The following GRM1 variants were observed in gnomAD, a reference collection of about 807,000 sequenced individuals.
GRM1 encodes glutamate metabotropic receptor 1, also known as metabotropic glutamate receptor 1.
In GRM1, 33 loss-of-function variants were observed where a neutral mutation model predicts 90.9. The observed-to-expected ratio is 0.36, with a 90% CI of 0.28 to 0.49. The LOEUF (loss-of-function observed/expected upper bound fraction) is 0.49. Among genes scored for constraint, GRM1 ranks in the 20% least tolerant of loss-of-function variants. The pLI, the probability that GRM1 is intolerant of heterozygous loss-of-function variation, is 0.99. For synonymous variants in GRM1, 700 were observed against 613.2 expected, an observed-to-expected ratio of 1.14 and a Z score of -2.09; for missense variants, 1,190 against 1,534.3, an observed-to-expected ratio of 0.78 and a Z score of 3.75.
At chr6:146,265,128 A>T (rs1413248572) in intron 2 of GRM1, among the ~76,000 whole-genome samples, 1 of 152,150 alleles carries the variant, frequency 6.6e-6, no homozygotes, top group Admixed American at 6.6e-5. Context: ...CATAGAGGTT[A>T]TACTAATTTA....
intron 1 of GRM1, among the ~76,000 whole-genome samples, chr6:146,083,204 C>T (rs1342967457): frequency 6.6e-6 from 1 of 152,150 alleles, no homozygotes; most frequent in African/African-American, 2.4e-5. Flanking sequence ...TTCCTCTCTT[C>T]CTATTTGAAT....
chr6:146,369,680 G>T (rs1003518120), intron 5 of GRM1, among the ~76,000 whole-genome samples: 1 of 151,972 alleles, frequency 6.6e-6, no homozygotes, highest in Admixed American at 6.6e-5. Context: ...GATCTGAAAA[G>T]ATGTATGATA....
At chr6:146,357,005 C>T (rs1397478696) in intron 4 of GRM1, among the ~76,000 whole-genome samples, 3 of 152,100 alleles carry the variant, frequency 2.0e-5, no homozygotes, top group African/African-American at 7.2e-5. Flanking sequence ...TGTCAGTGCA[C>T]AAGACATTAA....
At chr6:146,079,081 C>A (rs1466750019) in intron 1 of GRM1, among the ~76,000 whole-genome samples, 4 of 152,180 alleles carry the variant, frequency 2.6e-5, no homozygotes, top group East Asian at 1.9e-4. Context: ...CTGCTCCCTG[C>A]AAATCTCATG....
At chr6:146,411,521 G>T (rs1468331655) in intron 7 of GRM1, among the ~76,000 whole-genome samples, 1 of 152,134 alleles carries the variant, frequency 6.6e-6, no homozygotes, top group Non-Finnish European at 1.5e-5. Flanking sequence ...AGGTCACAGA[G>T]CAGTGTGCAC....
chr6:146,189,953 T>C (rs906796390), intron 2 of GRM1, among the ~76,000 whole-genome samples: 6 of 152,198 alleles, frequency 3.9e-5, no homozygotes, highest in Non-Finnish European at 7.4e-5. Flanking sequence ...CAGAATTCTA[T>C]GTTACAGTGT....
chr6:146,394,617 G>C lies in GRM1; in HGVS notation c.1730-4152G>C, dbSNP rs12527614. On this transcript the variant is annotated intron_variant, in intron 6 of 7. Coordinates refer to ENST00000282753, the MANE Select transcript of GRM1 (RefSeq NM_001278064.2). ...AAGGTTCCCTTTCATTTTTCTAGAG[G>C]GTTGGGAATGATGAGGTCATGAATA... Among the ~76,000 whole-genome samples, 384 of 152,118 alleles carry C rather than the reference G, an allele frequency of 2.5e-3. 1 individual carries two copies. Among genetic ancestry groups the C allele is most frequent in the African/African-American group, 8.8e-3 (367 of 41,490 alleles).
intron 5 of GRM1, among the ~76,000 whole-genome samples, chr6:146,368,564 C>A (rs949691742): frequency 5.3e-5 from 8 of 151,812 alleles, no homozygotes; most frequent in African/African-American, 1.9e-4. Context: ...ACTAATTTGT[C>A]GAGAATTTTT....
chr6:146,280,706 A>G (rs1417410087), intron 2 of GRM1, among the ~76,000 whole-genome samples: 1 of 152,034 alleles, frequency 6.6e-6, no homozygotes, highest in African/African-American at 2.4e-5. Flanking sequence ...GCAGCCTCAA[A>G]CTCGTGAGCT....
At position 146,267,665 on chromosome 6, in the gene GRM1, GGGCTGGGCTGGGCTGGGCTC is replaced by G. The variant is rs1304331976; in HGVS notation, c.951-36941_951-36922del. ...GCGCTGGGCTGGGCTGGGCTGGGCT[GGGCTGGGCTGGGCTGGGCTC>G]GGCTCGGCTCGGCTCGGCTCGTCTC... is the stretch of plus-strand genomic sequence containing the variant. On this transcript the variant is annotated intron_variant, in intron 2 of 7. Coordinates refer to ENST00000282753, the MANE Select transcript of GRM1 (RefSeq NM_001278064.2). 3.6e-4 allele frequency among the ~76,000 whole-genome samples: 44 copies of G among 122,082 alleles called. 3 individuals carry two copies. The highest frequency in any genetic ancestry group is 1.7e-3 in the African/African-American group (39 of 23,146). The allele number at this position is 122,082 out of a possible 152,430, so 80.1% of individuals were successfully genotyped here.
chr6:146,324,526 G>T (rs549031624), intron 3 of GRM1, among the ~76,000 whole-genome samples: 268 of 152,290 alleles, frequency 1.8e-3, no homozygotes, highest in African/African-American at 6.0e-3. Context: ...ACCCAGTTTT[G>T]TGCTTGAATC....
At chr6:146,217,994 T>C (rs1266352807) in intron 2 of GRM1, among the ~76,000 whole-genome samples, 2 of 152,210 alleles carry the variant, frequency 1.3e-5, no homozygotes, top group African/African-American at 4.8e-5. Context: ...TACATTTTAT[T>C]AATTATCCTA....
intron 1 of GRM1, among the ~76,000 whole-genome samples, chr6:146,061,713 A>G (rs1252632217): frequency 6.6e-6 from 1 of 152,128 alleles, no homozygotes; most frequent in Non-Finnish European, 1.5e-5. Context: ...AACATGTGAA[A>G]AAAAGCTCAT....
At chr6:146,148,333 CTAT>C (rs1777188373) in intron 1 of GRM1, among the ~76,000 whole-genome samples, 1 of 151,874 alleles carries the variant, frequency 6.6e-6, no homozygotes, top group Non-Finnish European at 1.5e-5. Context: ...CTAAATAAAA[CTAT>C]TGTTAACATT....
At chr6:146,204,521 G>A (rs895856294) in intron 2 of GRM1, among the ~76,000 whole-genome samples, 1 of 152,072 alleles carries the variant, frequency 6.6e-6, no homozygotes, top group African/African-American at 2.4e-5. Flanking sequence ...CAATGAAATG[G>A]GTGCAGAAGG....
At chr6:146,320,330 G>C (rs1314430543) in intron 3 of GRM1, among the ~76,000 whole-genome samples, 1 of 152,142 alleles carries the variant, frequency 6.6e-6, no homozygotes. Context: ...GATCATTCTG[G>C]ATAAGCTTTT....
chr6:146,359,218 A>G (rs1775356448), intron 5 of GRM1, among the ~76,000 whole-genome samples: 1 of 152,176 alleles, frequency 6.6e-6, no homozygotes, highest in Non-Finnish European at 1.5e-5. Context: ...TGATGATATA[A>G]GGTATGTTCT....
chr6:146,046,400 G>T (rs924533935), intron 1 of GRM1, among the ~76,000 whole-genome samples: 10 of 151,938 alleles, frequency 6.6e-5, no homozygotes, highest in African/African-American at 2.2e-4. Context: ...GTTACACACA[G>T]CTAGTTACTA....
chr6:146,114,382 G>A (rs558241414), intron 1 of GRM1, among the ~76,000 whole-genome samples: 1 of 152,252 alleles, frequency 6.6e-6, no homozygotes, highest in Admixed American at 6.5e-5. Flanking sequence ...AATTAAAAAT[G>A]TGTATAATCT....
Sources: gnomAD v4.1 joint callset for allele counts (sites outside exome capture counted in the v4.1 genomes callset) on GRCh38, gnomAD v4.1.1 for gene constraint, MANE v1.5 for transcripts, NCBI Gene and HGNC (gene_info 2026-07-23, HGNC 2026-07-21) for gene names.